Variants in MARCHF1 observed in about 807,000 individuals in gnomAD.
MARCHF1 encodes the protein E3 ubiquitin-protein ligase MARCHF1.
In MARCHF1, 40 loss-of-function variants were observed where a neutral mutation model predicts 54.2. That is an observed-to-expected ratio of 0.74 (90% CI 0.57 to 0.96). The LOEUF is 0.96. Ranked by LOEUF, MARCHF1 falls within the 40% of genes least tolerant of loss-of-function variation. The probability of loss-of-function intolerance (pLI) is 0.00; values close to 1 mark genes in which losing one functional copy is unlikely to be tolerated. For synonymous variants in MARCHF1, 236 were observed against 236.3 expected, an observed-to-expected ratio of 1.00 and a Z score of 0.01; for missense variants, 586 against 656.5, an observed-to-expected ratio of 0.89 and a Z score of 1.17.
chr4:164,232,941 C>T (rs1042694279), intron 1 of MARCHF1, among the ~76,000 whole-genome samples: 1 of 152,118 alleles, frequency 6.6e-6, no homozygotes, highest in African/African-American at 2.4e-5. Flanking sequence ...TTTCTCAACA[C>T]TATAACTACC....
intron 4 of MARCHF1, among the ~76,000 whole-genome samples, chr4:163,818,001 A>G (rs1748590010): frequency 6.7e-6 from 1 of 148,910 alleles, no homozygotes; most frequent in African/African-American, 2.5e-5. Context: ...TAGGAGATAT[A>G]CCTAATGCTA....
intron 1 of MARCHF1, among the ~76,000 whole-genome samples, chr4:164,346,807 T>C (rs1166599675): frequency 6.6e-6 from 1 of 151,820 alleles, no homozygotes; most frequent in Non-Finnish European, 1.5e-5. Flanking sequence ...ATTTTTTGAA[T>C]GAATGAATGC....
intron 2 of MARCHF1, among the ~76,000 whole-genome samples, chr4:164,013,974 A>C (rs1753482210): frequency 6.6e-6 from 1 of 152,004 alleles, no homozygotes; most frequent in South Asian, 2.1e-4. Flanking sequence ...ATGCAGGTGG[A>C]TCAAGAGATC....
chr4:163,766,100 C>A (rs1326003763), intron 4 of MARCHF1, among the ~76,000 whole-genome samples: 1 of 151,666 alleles, frequency 6.6e-6, no homozygotes, highest in Non-Finnish European at 1.5e-5. Context: ...CAAACTCCAG[C>A]AATTTCCTGA....
chr4:163,572,317 TCC>T (rs1157943557), intron 8 of MARCHF1, among the ~76,000 whole-genome samples: 1 of 73,294 alleles, frequency 1.4e-5, no homozygotes, highest in African/African-American at 4.0e-5. Flanking sequence ...GTCTCTTTCT[TCC>T]TTTTTTTTTT....
intron 3 of MARCHF1, among the ~76,000 whole-genome samples, chr4:163,865,243 G>A (rs1349645285): frequency 6.6e-6 from 1 of 151,868 alleles, no homozygotes; most frequent in Non-Finnish European, 1.5e-5. Flanking sequence ...AGCCCTTTAT[G>A]AACACACTTA....
chr4:163,603,719 C>G (rs1741052115), intron 7 of MARCHF1, among the ~76,000 whole-genome samples: 1 of 151,988 alleles, frequency 6.6e-6, no homozygotes, highest in South Asian at 2.1e-4. Flanking sequence ...ATCTGTAGAC[C>G]TGCACATATC....
At chr4:164,146,461 G>A (rs375156847) in intron 1 of MARCHF1, among the ~76,000 whole-genome samples, 1 of 152,128 alleles carries the variant, frequency 6.6e-6, no homozygotes, top group Non-Finnish European at 1.5e-5. Flanking sequence ...CATGGTACTG[G>A]TACCAAAACA....
At chr4:164,091,396 A>G (rs1755296152) in intron 2 of MARCHF1, among the ~76,000 whole-genome samples, 1 of 123,176 alleles carries the variant, frequency 8.1e-6, no homozygotes, top group African/African-American at 3.1e-5. Flanking sequence ...ACAGGGGATA[A>G]TTTTCACCAA....
chr4:163,819,970 T>C (rs1560771225), intron 4 of MARCHF1, among the ~76,000 whole-genome samples: 1 of 152,108 alleles, frequency 6.6e-6, no homozygotes, highest in African/African-American at 2.4e-5. Flanking sequence ...CATTCACAAG[T>C]TTGTGCAATC....
intron 4 of MARCHF1, among the ~76,000 whole-genome samples, chr4:163,733,410 A>AG (rs1350124062): frequency 3.4e-5 from 5 of 146,084 alleles, no homozygotes; most frequent in East Asian, 4.0e-4. Context: ...ACTATTTTTA[A>AG]GGGAAAAAAA....
chr4:163,553,263 C>A (rs1202937715), intron 8 of MARCHF1, among the ~76,000 whole-genome samples: 1 of 152,164 alleles, frequency 6.6e-6, no homozygotes, highest in Non-Finnish European at 1.5e-5. Flanking sequence ...TAAATGTTAG[C>A]AGTTATCACA....
At chr4:164,134,666 C>A (rs1475120789) in intron 1 of MARCHF1, among the ~76,000 whole-genome samples, 3 of 151,986 alleles carry the variant, frequency 2.0e-5, no homozygotes, top group Middle Eastern at 3.2e-3. Context: ...TGACTGATAA[C>A]ATTTGCTTCC....
intron 1 of MARCHF1, among the ~76,000 whole-genome samples, chr4:164,304,000 T>C (rs1391869398): frequency 2.6e-5 from 4 of 152,226 alleles, no homozygotes; most frequent in Admixed American, 2.0e-4. Flanking sequence ...TGATACTCTA[T>C]GCAATACCTT....
intron 4 of MARCHF1, among the ~76,000 whole-genome samples, chr4:163,785,697 A>G (rs1406903178): frequency 1.3e-5 from 2 of 152,056 alleles, no homozygotes; most frequent in Non-Finnish European, 2.9e-5. Flanking sequence ...TACCTGTCAA[A>G]TGATTAAAAG....
chr4:163,619,436 G>T (rs1741609410), intron 5 of MARCHF1, among the ~76,000 whole-genome samples: 1 of 152,094 alleles, frequency 6.6e-6, no homozygotes, highest in Non-Finnish European at 1.5e-5. Context: ...AAGTGACACA[G>T]GGGAAAAGAT....
intron 1 of MARCHF1, among the ~76,000 whole-genome samples, chr4:164,170,538 G>A (rs1396382229): frequency 6.6e-6 from 1 of 151,918 alleles, no homozygotes; most frequent in Non-Finnish European, 1.5e-5. Flanking sequence ...ATGTGACAAC[G>A]CCAGGCACTT....
intron 3 of MARCHF1, among the ~76,000 whole-genome samples, chr4:163,925,882 G>T (rs1188676651): frequency 6.6e-6 from 1 of 151,574 alleles, no homozygotes; most frequent in Non-Finnish European, 1.5e-5. Flanking sequence ...TATAAAAAAT[G>T]AAAGTTAATA....
intron 4 of MARCHF1, among the ~76,000 whole-genome samples, chr4:163,806,731 A>C (rs976176042): frequency 6.6e-6 from 1 of 152,188 alleles, no homozygotes; most frequent in African/African-American, 2.4e-5. Context: ...GGTGGCATCC[A>C]GTCCCAGCTA....
Sources: allele counts gnomAD v4.1 joint callset (sites outside exome capture counted in the v4.1 genomes callset), GRCh38; gene constraint gnomAD v4.1.1; transcripts MANE v1.5; gene names NCBI Gene and HGNC (gene_info 2026-07-23, HGNC 2026-07-21).